Variants in SUGCT observed in about 807,000 individuals in gnomAD.
SUGCT encodes the protein succinyl-CoA:glutarate-CoA transferase.
SUGCT carries 41 observed loss-of-function variants against 55.0 expected under a neutral mutation model. The ratio of observed to expected loss-of-function variants is 0.74; its 90% CI spans 0.58 to 0.97. SUGCT has a LOEUF of 0.97. SUGCT is among the 50% of genes least tolerant of loss of function. The probability of loss-of-function intolerance (pLI) is 0.00; values close to 1 mark genes in which losing one functional copy is unlikely to be tolerated. For synonymous variants in SUGCT, 187 were observed against 200.4 expected, an observed-to-expected ratio of 0.93 and a Z score of 0.56; for missense variants, 568 against 547.8, an observed-to-expected ratio of 1.04 and a Z score of -0.37.
intron 13 of SUGCT, among the ~76,000 whole-genome samples, chr7:40,786,738 A>T (rs1790034729): frequency 6.6e-6 from 1 of 152,184 alleles, no homozygotes; most frequent in South Asian, 2.1e-4. Context: ...CACTAAAAAT[A>T]ATAGAATGCT....
the SUGCT span, among the ~76,000 whole-genome samples, chr7:40,981,360 C>T: frequency 6.6e-6 from 1 of 152,164 alleles, no homozygotes; most frequent in East Asian, 1.9e-4. Context: ...TCTTTTCTGT[C>T]CCCTTTAGTT....
intron 8 of SUGCT, among the ~76,000 whole-genome samples, chr7:40,298,961 T>C (rs903048803): frequency 3.9e-5 from 6 of 152,188 alleles, no homozygotes; most frequent in African/African-American, 9.6e-5. Flanking sequence ...TGACTTGAAA[T>C]GTATGTTACA....
At chr7:40,809,883 G>T (rs1006910458) in intron 13 of SUGCT, among the ~76,000 whole-genome samples, 7 of 151,996 alleles carry the variant, frequency 4.6e-5, no homozygotes, top group Non-Finnish European at 8.8e-5. Context: ...ATGGTATTTG[G>T]TTTTTTTGTC....
intron 7 of SUGCT, among the ~76,000 whole-genome samples, chr7:40,243,516 T>A (rs1193538014): frequency 1.3e-5 from 2 of 152,074 alleles, no homozygotes. Flanking sequence ...TTAATTTTCT[T>A]CTTGAGGATT....
intron 1 of SUGCT, among the ~76,000 whole-genome samples, chr7:40,154,838 C>G (rs1488502404): frequency 2.0e-5 from 3 of 152,156 alleles, no homozygotes; most frequent in Admixed American, 2.0e-4. Flanking sequence ...TCTCACAAGT[C>G]CTATAGGAAA....
chr7:40,189,660 CA>C (rs1785777054), intron 5 of SUGCT, 66 bp downstream of exon 5: 1 of 895,806 alleles, frequency 1.1e-6, no homozygotes, highest in East Asian at 3.1e-5. Flanking sequence ...AATATCAGAG[CA>C]AAAGTGTTTT....
At chr7:40,664,762 C>T (rs1214187005) in intron 12 of SUGCT, among the ~76,000 whole-genome samples, 1 of 151,666 alleles carries the variant, frequency 6.6e-6, no homozygotes, top group East Asian at 2.0e-4. Context: ...GGGCAGATCA[C>T]GAGGTCAGGA....
the SUGCT span, among the ~76,000 whole-genome samples, chr7:40,992,202 G>T: frequency 1.3e-5 from 2 of 152,128 alleles, no homozygotes; most frequent in African/African-American, 2.4e-5. Flanking sequence ...AGAACCGAGG[G>T]TTCCTCCGCT....
At chr7:40,272,908 C>T (rs1792190557) in intron 7 of SUGCT, among the ~76,000 whole-genome samples, 1 of 151,840 alleles carries the variant, frequency 6.6e-6, no homozygotes, top group Non-Finnish European at 1.5e-5. Flanking sequence ...GATCTACTCG[C>T]CTTGACCTCC....
chr7:40,642,013 G>A (rs1174037818), intron 12 of SUGCT, among the ~76,000 whole-genome samples: 1 of 152,178 alleles, frequency 6.6e-6, no homozygotes, highest in Non-Finnish European at 1.5e-5. Context: ...GTAGTGCGAT[G>A]ATGATAAACC....
intron 12 of SUGCT, among the ~76,000 whole-genome samples, chr7:40,563,186 C>G (rs181482679): frequency 4.7e-4 from 72 of 152,226 alleles, no homozygotes; most frequent in African/African-American, 1.6e-3. Context: ...GGAGACTCCC[C>G]TTTTATCTGC....
At chr7:40,750,911 G>T (rs1179508302) in intron 13 of SUGCT, among the ~76,000 whole-genome samples, 1 of 152,170 alleles carries the variant, frequency 6.6e-6, no homozygotes, top group Admixed American at 6.5e-5. Flanking sequence ...GCCAGGTACT[G>T]CTTTGGGTCC....
At chr7:40,819,155 T>C (rs1256529068) in intron 13 of SUGCT, among the ~76,000 whole-genome samples, 2 of 152,130 alleles carry the variant, frequency 1.3e-5, no homozygotes, top group Non-Finnish European at 2.9e-5. Flanking sequence ...CAGTCTATTG[T>C]TGATGGACAT....
At chr7:40,410,850 C>T (rs1050716913) in intron 9 of SUGCT, among the ~76,000 whole-genome samples, 4 of 151,984 alleles carry the variant, frequency 2.6e-5, no homozygotes, top group Non-Finnish European at 5.9e-5. Context: ...TGATCTAGGC[C>T]AGTCTGACTT....
At chr7:40,273,883 C>T (rs1020265387) in intron 7 of SUGCT, among the ~76,000 whole-genome samples, 1 of 152,080 alleles carries the variant, frequency 6.6e-6, no homozygotes, top group African/African-American at 2.4e-5. Context: ...ATGCCCTGTG[C>T]CCAGTGCTCC....
chr7:40,938,421 T>C, the SUGCT span, among the ~76,000 whole-genome samples: 1 of 152,112 alleles, frequency 6.6e-6, no homozygotes, highest in Admixed American at 6.6e-5. Context: ...GCCCTGAAGA[T>C]TACAAATAAC....
the SUGCT span, among the ~76,000 whole-genome samples, chr7:40,951,447 G>A: frequency 1.3e-5 from 2 of 151,518 alleles, no homozygotes; most frequent in East Asian, 3.9e-4. Flanking sequence ...TTTTGTGTCT[G>A]TCTCCTTCAG....
chr7:40,746,134 T>C (rs140132113), intron 12 of SUGCT, among the ~76,000 whole-genome samples: 1 of 151,952 alleles, frequency 6.6e-6, no homozygotes, highest in African/African-American at 2.4e-5. Context: ...TGAAAGGGAG[T>C]TGAAGTGTCA....
chr7:40,215,244 A>C (rs527678303), intron 6 of SUGCT, among the ~76,000 whole-genome samples: 1 of 152,174 alleles, frequency 6.6e-6, no homozygotes, highest in East Asian at 1.9e-4. Flanking sequence ...CTGGGCTCAA[A>C]CGATCTTCCT....
Sources: gnomAD v4.1 joint callset for allele counts (sites outside exome capture counted in the v4.1 genomes callset) on GRCh38, gnomAD v4.1.1 for gene constraint, MANE v1.5 for transcripts, NCBI Gene and HGNC (gene_info 2026-07-23, HGNC 2026-07-21) for gene names.